Variants in UBE3D observed in about 807,000 individuals in gnomAD.
The protein encoded by UBE3D is ubiquitin protein ligase E3D.
Under a neutral mutation model 49.6 loss-of-function variants are expected in UBE3D, and 48 were observed. The observed-to-expected ratio is 0.97, with a 90% CI of 0.77 to 1.23. UBE3D has a LOEUF of 1.23. Ranked by LOEUF, UBE3D falls within the 50% of genes most tolerant of loss-of-function variation. UBE3D has a pLI of 0.00. For synonymous variants in UBE3D, 189 were observed against 174.2 expected, an observed-to-expected ratio of 1.08 and a Z score of -0.67; for missense variants, 452 against 468.4, an observed-to-expected ratio of 0.96 and a Z score of 0.32.
At chr6:82,903,287 C>T (rs1397201422) in intron 9 of UBE3D, among the ~76,000 whole-genome samples, 1 of 152,060 alleles carries the variant, frequency 6.6e-6, no homozygotes, top group Non-Finnish European at 1.5e-5. Flanking sequence ...GCCCAGCTAG[C>T]ACCCCATTTT....
intron 1 of UBE3D, among the ~76,000 whole-genome samples, chr6:83,060,214 G>A (rs902436032): frequency 5.3e-5 from 8 of 152,146 alleles, no homozygotes; most frequent in Admixed American, 1.3e-4. Flanking sequence ...GGTGAGGAGA[G>A]TGTCAACAAT....
chr6:82,904,114 A>G (rs1446911563), intron 9 of UBE3D, among the ~76,000 whole-genome samples: 2 of 152,164 alleles, frequency 1.3e-5, no homozygotes, highest in Non-Finnish European at 2.9e-5. Flanking sequence ...TTGATATGAA[A>G]AGACTGGAGA....
At chr6:82,984,935 C>T (rs1472674495) in intron 8 of UBE3D, among the ~76,000 whole-genome samples, 1 of 151,388 alleles carries the variant, frequency 6.6e-6, no homozygotes, top group Non-Finnish European at 1.5e-5. Flanking sequence ...CTCAGCCTCC[C>T]AAGTAGGTAG....
At chr6:82,956,305 T>A (rs1185658007) in intron 9 of UBE3D, among the ~76,000 whole-genome samples, 1 of 152,224 alleles carries the variant, frequency 6.6e-6, no homozygotes, top group Non-Finnish European at 1.5e-5. Context: ...GTCGCAGATA[T>A]GTGCAATTAC....
intron 9 of UBE3D, among the ~76,000 whole-genome samples, chr6:82,946,934 T>C (rs539725802): frequency 2.1e-5 from 3 of 144,284 alleles, no homozygotes; most frequent in African/African-American, 7.6e-5. Flanking sequence ...AAGCAAGAAA[T>C]TAAATCATAC....
intron 9 of UBE3D, among the ~76,000 whole-genome samples, chr6:82,929,668 C>A (rs1313759651): frequency 6.6e-6 from 1 of 151,988 alleles, no homozygotes; most frequent in Admixed American, 6.6e-5. Flanking sequence ...CCTTCTTCAT[C>A]CAATTGCTAA....
At chr6:83,048,920 C>T (rs1462391371) in intron 3 of UBE3D, among the ~76,000 whole-genome samples, 2 of 151,888 alleles carry the variant, frequency 1.3e-5, no homozygotes, top group South Asian at 2.1e-4. Context: ...AGGTAGAAAC[C>T]TGGTGGAGCT....
intron 8 of UBE3D, among the ~76,000 whole-genome samples, chr6:82,995,877 G>A (rs1449672413): frequency 2.0e-5 from 3 of 152,098 alleles, no homozygotes; most frequent in African/African-American, 4.8e-5. Flanking sequence ...GACCAGCCTG[G>A]CCAACATGAG....
intron 8 of UBE3D, among the ~76,000 whole-genome samples, chr6:82,985,677 T>G (rs919193888): frequency 3.9e-5 from 6 of 152,192 alleles, no homozygotes; most frequent in Admixed American, 1.3e-4. Context: ...GTTTTCTTTT[T>G]AAACCTCTGA....
chr6:83,058,426 G>A (rs1377751647), intron 1 of UBE3D, among the ~76,000 whole-genome samples: 2 of 152,158 alleles, frequency 1.3e-5, no homozygotes, highest in African/African-American at 2.4e-5. Flanking sequence ...TGAAGAAAAC[G>A]ATACAGTGAT....
At chr6:82,926,021 C>T (rs1773724017) in intron 9 of UBE3D, among the ~76,000 whole-genome samples, 1 of 63,500 alleles carries the variant, frequency 1.6e-5, no homozygotes, top group African/African-American at 4.6e-5. Flanking sequence ...ATATCCCCAC[C>T]TCCCTTACTC....
chr6:82,911,224 C>CAAAAA, intron 9 of UBE3D, among the ~76,000 whole-genome samples: 1 of 45,516 alleles, frequency 2.2e-5, no homozygotes, highest in African/African-American at 1.1e-4. Flanking sequence ...AAAAAAAAAA[C>CAAAAA]TCAGGGGGGA....
chr6:82,924,906 T>C (rs2127738941), intron 9 of UBE3D: 1 of 152,324 alleles, frequency 6.6e-6, no homozygotes, highest in South Asian at 2.1e-4. Flanking sequence ...TGGAACCTCA[T>C]CTTTATTGTT....
At chr6:82,944,931 C>T (rs1225255871) in intron 9 of UBE3D, among the ~76,000 whole-genome samples, 1 of 152,188 alleles carries the variant, frequency 6.6e-6, no homozygotes, top group Non-Finnish European at 1.5e-5. Flanking sequence ...GTTCAAGGAC[C>T]AGCTAAGCCA....
chr6:83,032,261 A>G, intron 5 of UBE3D: 1 of 455,754 alleles, frequency 2.2e-6, no homozygotes, highest in Non-Finnish European at 4.4e-6. Context: ...CCACAGGAAC[A>G]GAGCTGTTCA....
chr6:83,048,032 A>G (rs1303585592), intron 3 of UBE3D, among the ~76,000 whole-genome samples: 1 of 136,832 alleles, frequency 7.3e-6, no homozygotes, highest in African/African-American at 2.7e-5. Context: ...CAGTGAGCCG[A>G]GATCGCGCCA....
chr6:83,044,433 T>C lies in UBE3D; in HGVS notation c.592A>G (p.Lys198Glu). 6.2e-7 allele frequency: 1 copy of C among 1,613,840 alleles called. No individual in the cohort carries two copies. The highest frequency in any genetic ancestry group is 1.1e-5 in the South Asian group (1 of 91,056). Residue 198 changes from lysine to glutamate, a missense_variant, in exon 4 of 10, where the codon AAA becomes GAA. Physicochemically the swap from Lys to Glu is moderately conservative, Grantham distance 56. Transcript: ENST00000369747. ...ATTTTGAAATGATATTTTACCAATT[T>C]ACAATGGTTGTCAGAAGAAACACAG... is the stretch of plus-strand genomic sequence containing the variant. ...MCCVSSDNHC[K>E]LEPKANTKVI...
At chr6:82,956,954 C>T (rs1776198432) in intron 9 of UBE3D, among the ~76,000 whole-genome samples, 3 of 152,112 alleles carry the variant, frequency 2.0e-5, no homozygotes, top group South Asian at 4.2e-4. Flanking sequence ...ACAGTGAAAC[C>T]CTGTCTCTAC....
intron 8 of UBE3D, among the ~76,000 whole-genome samples, chr6:82,975,494 G>A (rs1380852950): frequency 6.6e-6 from 1 of 152,054 alleles, no homozygotes; most frequent in Non-Finnish European, 1.5e-5. Flanking sequence ...TAAAAATTCT[G>A]CTTGCCTTCT....
Sources: allele counts gnomAD v4.1 joint callset (sites outside exome capture counted in the v4.1 genomes callset), GRCh38; gene constraint gnomAD v4.1.1; transcripts MANE v1.5; gene names NCBI Gene and HGNC (gene_info 2026-07-23, HGNC 2026-07-21).